The following CD109 variants were observed in gnomAD, a reference collection of about 807,000 sequenced individuals.
CD109 encodes the protein CD109 molecule.
CD109 carries 149 observed loss-of-function variants against 165.8 expected under a neutral mutation model. The ratio of observed to expected loss-of-function variants is 0.90; its 90% CI spans 0.79 to 1.03. The LOEUF (loss-of-function observed/expected upper bound fraction) is 1.03, where lower values mean the gene tolerates loss of function less well. Among genes scored for constraint, CD109 ranks in the 50% least tolerant of loss-of-function variants. The pLI, the probability that CD109 is intolerant of heterozygous loss-of-function variation, is 0.00. For missense variants in CD109, 1,712 were observed against 1,677.8 expected (o/e 1.02, Z -0.36); for synonymous variants, 585 against 592.1 (o/e 0.99, Z 0.18).
intron 13 of CD109, 96 bp downstream of exon 13, chr6:73,767,106 G>A: frequency 1.0e-6 from 1 of 975,698 alleles, no homozygotes; most frequent in Non-Finnish European, 1.6e-6. Flanking sequence ...TTGTTATATA[G>A]CTAAACTCAT....
intron 22 of CD109, among the ~76,000 whole-genome samples, chr6:73,788,962 T>A (rs9447025): frequency 6.6e-6 from 1 of 151,962 alleles, no homozygotes; most frequent in Admixed American, 6.5e-5. Context: ...CTCACTATAC[T>A]GTGGCTGGAG....
chr6:73,736,200 A>G (rs927851114), intron 4 of CD109, among the ~76,000 whole-genome samples, 183 bp from the exon 5 acceptor site: 1 of 151,884 alleles, frequency 6.6e-6, no homozygotes, highest in African/African-American at 2.4e-5. Context: ...TTAGGTTAAT[A>G]TATCTCTAAT....
chr6:73,787,453 G>T lies in CD109; in HGVS notation c.2556+1G>T. On this transcript the variant is annotated splice_donor_variant, in intron 21 of 32. Coordinates refer to ENST00000287097, the MANE Select transcript of CD109 (RefSeq NM_133493.5). LOFTEE classifies it high-confidence loss of function. ...TGTCACCCAGATGATTTTAGTAAAG[G>T]TAAATATTTGATGTCTGAAAGAAGT... is the stretch of plus-strand genomic sequence containing the variant. 6.3e-7 allele frequency: 1 copy of T among 1,596,774 alleles called. No homozygotes were observed.
chr6:73,770,136 A>C (rs575625025), intron 14 of CD109, among the ~76,000 whole-genome samples: 4 of 151,208 alleles, frequency 2.6e-5, no homozygotes, highest in African/African-American at 9.9e-5. Context: ...AATGAGATCA[A>C]TTGGGACTCT....
At chr6:73,794,056 C>T (rs1775065898) in intron 23 of CD109, among the ~76,000 whole-genome samples, 2 of 152,168 alleles carry the variant, frequency 1.3e-5, no homozygotes, top group East Asian at 3.8e-4. Flanking sequence ...AGCTTTTCTT[C>T]CAGGTTCCAT....
chr6:73,792,802 G>A lies in CD109; in HGVS notation c.2878G>A (p.Gly960Ser). ...AAAAGCTCTTTCATTTATGAGGCAA[G>A]GTAAGCATTTTAGAGACCTACATTT... is the stretch of plus-strand genomic sequence containing the variant. ...KEKALSFMRQ[G>S]YQRELLYQRE... is the part of the protein sequence containing the mutation. The change falls in exon 23 of 33, where the codon GGT (glycine) becomes AGT (serine). Residue 960 changes from glycine to serine, a missense_variant and splice_region_variant. Gly to Ser is a moderately conservative substitution (Grantham distance 56, BLOSUM62 0). Coordinates refer to ENST00000287097, the MANE Select transcript of CD109 (RefSeq NM_133493.5). 2 of 1,605,492 alleles carry A rather than the reference G, an allele frequency of 1.2e-6. No homozygotes were observed. The highest frequency in any genetic ancestry group is 1.7e-6 in the Non-Finnish European group (2 of 1,178,612).
intron 23 of CD109, among the ~76,000 whole-genome samples, chr6:73,796,548 C>A (rs1775171155): frequency 6.6e-6 from 1 of 152,214 alleles, no homozygotes; most frequent in African/African-American, 2.4e-5. Flanking sequence ...TGTCCATCAT[C>A]TGTCCTGGCA....
At chr6:73,815,219 T>C (rs1166447142) in intron 30 of CD109, 96 bp downstream of exon 30, 5 of 1,025,758 alleles carry the variant, frequency 4.9e-6, no homozygotes, top group South Asian at 3.6e-5. Context: ...CTAAGAGTTA[T>C]ATTGAACAAA....
At chr6:73,756,155 C>G (rs1299461981) in intron 5 of CD109, among the ~76,000 whole-genome samples, 6 of 152,130 alleles carry the variant, frequency 3.9e-5, no homozygotes, top group East Asian at 3.8e-4. Context: ...AAAAGTGAGG[C>G]ATGTTGTTCT....
At chr6:73,687,461 T>G in the CD109 span, among the ~76,000 whole-genome samples, 1 of 119,920 alleles carries the variant, frequency 8.3e-6, no homozygotes, top group East Asian at 2.8e-4. Context: ...TCCCCTTCCC[T>G]ACCCTCCCCT....
At chr6:73,685,115 G>A in the CD109 span, among the ~76,000 whole-genome samples, 2 of 151,362 alleles carry the variant, frequency 1.3e-5, no homozygotes, top group Non-Finnish European at 2.9e-5. Flanking sequence ...TGTTGGCCAG[G>A]ATGGTCTTGA....
intron 1 of CD109, 102 bp downstream of exon 1, chr6:73,696,391 C>A: frequency 2.0e-6 from 2 of 1,021,268 alleles, no homozygotes; most frequent in Non-Finnish European, 2.6e-6. Flanking sequence ...TGTGCAGCAG[C>A]GGGTGGGAAA....
intron 2 of CD109, among the ~76,000 whole-genome samples, chr6:73,704,148 C>T (rs990865764): frequency 2.0e-5 from 3 of 150,468 alleles, no homozygotes; most frequent in South Asian, 4.2e-4. Flanking sequence ...CCAGTGCACT[C>T]CAGCCTGGGT....
In CD109 at chr6:73,808,236, G is replaced by A. The variant is rs770499492; in HGVS notation, c.3343G>A (p.Ala1115Thr). 1.1e-5 allele frequency: 18 copies of A among 1,612,598 alleles called. No individual in the cohort carries two copies. The highest frequency in any genetic ancestry group is 1.1e-5 in the Non-Finnish European group (13 of 1,179,320). ...AGCTTTGAATATGCTGACTTGGAGA[G>A]CAGAACAAGAAGGTAATGTGCTGGG... ...KEALNMLTWR[A>T]EQEGGMQFWV... Residue 1115 changes from alanine (A) to threonine (T), a missense_variant, in exon 26 of 33, where the codon GCA (alanine) becomes ACA (threonine). Transcript: ENST00000287097.
intron 27 of CD109, 68 bp downstream of exon 27, chr6:73,810,242 T>A (rs571891632): frequency 9.6e-4 from 344 of 359,348 alleles, no homozygotes; most frequent in African/African-American, 6.7e-3. Context: ...TATATATATT[T>A]TATATATAAT....
intron 5 of CD109, among the ~76,000 whole-genome samples, chr6:73,741,989 C>T (rs1209481984): frequency 6.6e-6 from 1 of 152,068 alleles, no homozygotes; most frequent in Non-Finnish European, 1.5e-5. Flanking sequence ...GTTTTTCCCT[C>T]CATTTTTTAT....
At chr6:73,752,686 T>G (rs1326330677) in intron 5 of CD109, among the ~76,000 whole-genome samples, 2 of 152,124 alleles carry the variant, frequency 1.3e-5, no homozygotes, top group Admixed American at 1.3e-4. Context: ...GTGACCATAT[T>G]GGGGAAAGAA....
At chr6:73,722,106 A>C (rs972956219) in intron 2 of CD109, among the ~76,000 whole-genome samples, 3 of 152,210 alleles carry the variant, frequency 2.0e-5, no homozygotes, top group Non-Finnish European at 2.9e-5. Flanking sequence ...ATCTAATTTG[A>C]CATTGGTAAG....
chr6:73,820,912 C>G (rs1421571498), intron 32 of CD109, among the ~76,000 whole-genome samples: 1 of 152,096 alleles, frequency 6.6e-6, no homozygotes, highest in Non-Finnish European at 1.5e-5. Flanking sequence ...GCACCCATTC[C>G]ATCTGTTTCC....
Sources: gnomAD v4.1 joint callset for allele counts (sites outside exome capture counted in the v4.1 genomes callset) on GRCh38, gnomAD v4.1.1 for gene constraint, MANE v1.5 for transcripts, NCBI Gene and HGNC (gene_info 2026-07-23, HGNC 2026-07-21) for gene names.